The following ASCC3 variants were observed in gnomAD, a reference collection of about 807,000 sequenced individuals.
ASCC3 encodes activating signal cointegrator 1 complex subunit 3.
Under a neutral mutation model 256.3 loss-of-function variants are expected in ASCC3, and 158 were observed. That is an observed-to-expected ratio of 0.62 (90% confidence interval 0.54 to 0.70). The LOEUF is 0.70. Ranked by LOEUF, ASCC3 falls within the 30% of genes least tolerant of loss-of-function variation. ASCC3 has a pLI of 0.00. For missense variants in ASCC3, 2,259 were observed against 2,626.0 expected (o/e 0.86, Z 3.05); for synonymous variants, 948 against 883.4 (o/e 1.07, Z -1.30).
Position 100,848,204 on chromosome 6 carries a change from A to G in ASCC3, c.745T>C (p.Cys249Arg), listed in dbSNP as rs778849777. The change falls in exon 4 of 42, where the codon TGT becomes CGT. Residue 249 changes from cysteine (C) to arginine (R), a missense_variant. Cys to Arg is a radical substitution (Grantham distance 180, BLOSUM62 -3). This residue lies in a region of ASCC3 where 420 missense variants were observed against 419.3 expected (regional missense o/e 1.00). Transcript: ENST00000369162. The part of the protein sequence containing the change: ...TEVPRVEDLC[C>R]TLYDMLASIK... ...GAAGCAAGCATATCATATAAAGTAC[A>G]GCAAAGATCTTCTACTCTTGGCACT... The G allele has an allele frequency of 1.2e-6, 2 of 1,613,256 alleles. No homozygotes were observed. Among genetic ancestry groups the G allele is most frequent in the Non-Finnish European group, 1.7e-6 (2 of 1,179,666 alleles).
intron 36 of ASCC3, among the ~76,000 whole-genome samples, chr6:100,557,908 A>C (rs1223518148): frequency 6.6e-6 from 1 of 152,080 alleles, no homozygotes; most frequent in Non-Finnish European, 1.5e-5. Context: ...CCCCCAAAAA[A>C]ATGTGTCTCT....
chr6:100,674,063 A>C (rs1776888937), intron 14 of ASCC3, among the ~76,000 whole-genome samples: 1 of 151,976 alleles, frequency 6.6e-6, no homozygotes, highest in Admixed American at 6.6e-5. Context: ...TTTTCTTTTA[A>C]TCTTTCCTTT....
chr6:100,678,642 C>A (rs936580784), intron 14 of ASCC3, among the ~76,000 whole-genome samples: 1 of 151,766 alleles, frequency 6.6e-6, no homozygotes, highest in Non-Finnish European at 1.5e-5. Context: ...TTAAATCTTA[C>A]GTTATATATA....
At chr6:100,687,680 C>T (rs1777649083) in intron 13 of ASCC3, among the ~76,000 whole-genome samples, 1 of 151,196 alleles carries the variant, frequency 6.6e-6, no homozygotes, top group Non-Finnish European at 1.5e-5. Context: ...TGGTAAAAAG[C>T]CTAAAAAAAC....
chr6:100,654,639 T>C (rs185832583), intron 17 of ASCC3, among the ~76,000 whole-genome samples: 37 of 152,166 alleles, frequency 2.4e-4, no homozygotes, highest in Admixed American at 1.3e-3. Flanking sequence ...ACAGAGCAAT[T>C]TGGCTGTAAA....
intron 20 of ASCC3, among the ~76,000 whole-genome samples, chr6:100,649,115 T>C (rs1398200874): frequency 1.3e-5 from 2 of 151,790 alleles, no homozygotes; most frequent in African/African-American, 4.8e-5. Flanking sequence ...GGATGCTAAA[T>C]CCATAATGGC....
At chr6:100,803,793 T>G (rs1017193498) in intron 5 of ASCC3, among the ~76,000 whole-genome samples, 2 of 152,162 alleles carry the variant, frequency 1.3e-5, no homozygotes, top group East Asian at 1.9e-4. Flanking sequence ...ATTATAGCTG[T>G]TTTTATCATT....
At chr6:100,726,011 A>T (rs1318617678) in intron 10 of ASCC3, among the ~76,000 whole-genome samples, 1 of 151,428 alleles carries the variant, frequency 6.6e-6, no homozygotes, top group Non-Finnish European at 1.5e-5. Flanking sequence ...AAAAACAGTA[A>T]GAACACTATT....
chr6:100,835,860 T>G (rs1311657596), intron 4 of ASCC3, among the ~76,000 whole-genome samples: 1 of 152,166 alleles, frequency 6.6e-6, no homozygotes, highest in Non-Finnish European at 1.5e-5. Context: ...GTAATCAACA[T>G]TAATTCTTCC....
At chr6:100,581,121 G>A (rs1190827380) in intron 36 of ASCC3, among the ~76,000 whole-genome samples, 3 of 152,192 alleles carry the variant, frequency 2.0e-5, no homozygotes, top group East Asian at 3.9e-4. Context: ...TGGGTCAAAT[G>A]GTATTTCTAC....
chr6:100,566,836 C>T (rs1472645662), intron 36 of ASCC3, among the ~76,000 whole-genome samples: 1 of 152,088 alleles, frequency 6.6e-6, no homozygotes, highest in Admixed American at 6.6e-5. Flanking sequence ...GAAGGATACT[C>T]CTAGCTGTAT....
chr6:100,659,595 C>T (rs531853247), intron 16 of ASCC3, among the ~76,000 whole-genome samples: 16 of 151,120 alleles, frequency 1.1e-4, no homozygotes, highest in Non-Finnish European at 2.2e-4. Context: ...AATTTATGGG[C>T]CCTAATTTAT....
chr6:100,767,092 ATTTAT>A (rs1371528244), intron 9 of ASCC3, 48 bp downstream of exon 9: 3 of 1,565,574 alleles, frequency 1.9e-6, no homozygotes, highest in Non-Finnish European at 2.6e-6. Flanking sequence ...AAAACTGCAA[ATTTAT>A]TTTATTCCTT....
intron 3 of ASCC3, among the ~76,000 whole-genome samples, chr6:100,860,931 T>TC (rs1438764649): frequency 3.9e-5 from 6 of 152,018 alleles, no homozygotes; most frequent in African/African-American, 1.4e-4. Flanking sequence ...AAGAATCTGA[T>TC]CTAAAAGGTA....
intron 4 of ASCC3, among the ~76,000 whole-genome samples, chr6:100,811,974 T>C (rs1263552690): frequency 1.3e-5 from 2 of 152,158 alleles, no homozygotes; most frequent in East Asian, 1.9e-4. Context: ...TTGAGATTGA[T>C]AGTTTCAAAG....
chr6:100,563,988 A>G lies in ASCC3; in HGVS notation c.5551-23601T>C, dbSNP rs549527957. Among the ~76,000 whole-genome samples, 5 of 152,182 alleles carry G rather than the reference A, an allele frequency of 3.3e-5. No homozygotes were observed. In the East Asian group the frequency reaches 7.7e-4, roughly 24 times the overall value. Reference sequence around the variant, plus strand: ...GGTTAAGTGACTAGTCCAAGGTCATACAGTTAGAAAATGGTGCAGTTATGC... The same window carrying G: ...GGTTAAGTGACTAGTCCAAGGTCATGCAGTTAGAAAATGGTGCAGTTATGC... On this transcript the variant is annotated intron_variant, in intron 36 of 41. Coordinates refer to ENST00000369162, the MANE Select transcript of ASCC3 (RefSeq NM_006828.4).
At chr6:100,698,324 G>A (rs569224266) in intron 13 of ASCC3, among the ~76,000 whole-genome samples, 32 of 152,138 alleles carry the variant, frequency 2.1e-4, no homozygotes, top group Admixed American at 6.5e-5. Context: ...CTTTGAAAAT[G>A]AGAACAAAAT....
At chr6:100,550,494 A>G (rs1301553020) in intron 36 of ASCC3, among the ~76,000 whole-genome samples, 1 of 151,960 alleles carries the variant, frequency 6.6e-6, no homozygotes, top group Non-Finnish European at 1.5e-5. Flanking sequence ...CTTGCCTTGT[A>G]AATGTAAGCA....
chr6:100,683,922 A>G (rs1358184542), intron 13 of ASCC3, among the ~76,000 whole-genome samples: 4 of 152,190 alleles, frequency 2.6e-5, no homozygotes, highest in Non-Finnish European at 5.9e-5. Context: ...AAAGCCTTTT[A>G]TATTTAAAAT....
Sources: gnomAD v4.1 joint callset for allele counts (sites outside exome capture counted in the v4.1 genomes callset) on GRCh38, gnomAD v4.1.1 for gene constraint, gnomAD v4.1.1 regional missense constraint, MANE v1.5 for transcripts, NCBI Gene and HGNC (gene_info 2026-07-23, HGNC 2026-07-21) for gene names.